Variants in COL18A1 observed in about 807,000 individuals in gnomAD.
The protein encoded by COL18A1 is collagen alpha-1(XVIII) chain.
In COL18A1, 133 loss-of-function variants were observed where a neutral mutation model predicts 168.0. The observed-to-expected ratio is 0.79, with a 90% confidence interval of 0.69 to 0.91. The LOEUF (loss-of-function observed/expected upper bound fraction) is 0.91. COL18A1 is among the 40% of genes least tolerant of loss of function. The pLI, the probability that COL18A1 is intolerant of heterozygous loss-of-function variation, is 0.00. For missense variants in COL18A1, 2,126 were observed against 1,925.4 expected (o/e 1.10, Z -1.95); for synonymous variants, 949 against 809.0 (o/e 1.17, Z -2.94).
At chr21:45,476,805 G>A (rs547395206) in intron 6 of COL18A1, among the ~76,000 whole-genome samples, 30 of 151,642 alleles carry the variant, frequency 2.0e-4, no homozygotes, top group African/African-American at 4.1e-4. Context: ...TGCGTGTAGT[G>A]TACGTGTGTG....
chr21:45,506,361 G>T (rs941205016), intron 37 of COL18A1: 1 of 353,134 alleles, frequency 2.8e-6, no homozygotes, highest in Non-Finnish European at 5.6e-6. Context: ...TGGGGGGCAG[G>T]CTGTCCCGTG....
chr21:45,503,848 A>G, intron 32 of COL18A1, 163 bp from the exon 33 acceptor site: 1 of 532,032 alleles, frequency 1.9e-6, no homozygotes, highest in Non-Finnish European at 3.4e-6. Flanking sequence ...CAAAAACATC[A>G]GAAAGTATCG....
At chr21:45,418,052 C>T (rs2033497553) in intron 2 of COL18A1, among the ~76,000 whole-genome samples, 1 of 152,196 alleles carries the variant, frequency 6.6e-6, no homozygotes, top group Non-Finnish European at 1.5e-5. Flanking sequence ...ACGTGTGCCG[C>T]CCCCGGAGCG....
At chr21:45,437,113 TCACACA>T (rs1193854116) in intron 2 of COL18A1, among the ~76,000 whole-genome samples, 3 of 53,070 alleles carry the variant, frequency 5.7e-5, no homozygotes, top group Non-Finnish European at 1.1e-4. Flanking sequence ...GCACACACAC[TCACACA>T]CAGACACACA....
intron 2 of COL18A1, among the ~76,000 whole-genome samples, chr21:45,417,586 A>G (rs920847464): frequency 7.2e-5 from 11 of 152,098 alleles, no homozygotes; most frequent in Non-Finnish European, 1.2e-4. Context: ...TCTCTCTGGC[A>G]TTCTGTGTGC....
intron 1 of COL18A1, 66 bp from the exon 2 acceptor site, chr21:45,405,313 G>GTC (rs1400095331): frequency 8.7e-6 from 8 of 917,902 alleles, no homozygotes; most frequent in Admixed American, 4.8e-5. Flanking sequence ...GGGTCGCGGG[G>GTC]CTCGGCCGGG....
Position 45,507,544 on chromosome 21 carries a change from C to G in COL18A1, c.3217-17C>G, listed in dbSNP as rs755505645. On this transcript the variant is annotated splice_polypyrimidine_tract_variant and intron_variant, in intron 37 of 41. Transcript: ENST00000651438. ...GCCCAGCCGCAGGTCCTGGGTGACC[C>G]TGCTGCTTTCTTCCAGCTGGAGGCC... 5 of 1,611,500 alleles carry G rather than the reference C, an allele frequency of 3.1e-6. No individual in the cohort carries two copies. Among genetic ancestry groups the G allele is most frequent in the South Asian group, 2.2e-5 (2 of 90,920 alleles).
chr21:45,415,547 C>T (rs1009057781), intron 2 of COL18A1, among the ~76,000 whole-genome samples: 8 of 152,290 alleles, frequency 5.3e-5, no homozygotes, highest in Admixed American at 1.3e-4. Context: ...GCCCCCCTTC[C>T]GGAAGATGGA....
intron 2 of COL18A1, among the ~76,000 whole-genome samples, chr21:45,421,812 A>G (rs921511034): frequency 1.3e-5 from 2 of 152,038 alleles, no homozygotes; most frequent in African/African-American, 2.4e-5. Flanking sequence ...CCTGAGGCTC[A>G]GGGCCCTGTG....
chr21:45,506,871 C>T (rs2037240460), intron 37 of COL18A1: 1 of 190,748 alleles, frequency 5.2e-6, no homozygotes, highest in Non-Finnish European at 1.1e-5. Context: ...TGCAGCACCC[C>T]AGACAGTGAA....
At chr21:45,409,463 C>T (rs2123498232) in intron 2 of COL18A1, among the ~76,000 whole-genome samples, 1 of 152,232 alleles carries the variant, frequency 6.6e-6, no homozygotes, top group Admixed American at 6.5e-5. Context: ...CTCCTCTTAT[C>T]CAAGGCCTCC....
rs1020274118 is a variant in COL18A1, at chr21:45,486,992, T to C, written c.1833T>C (p.Phe611=). The change falls in exon 16 of 42, where the codon TTT becomes TTC. Residue 611 remains phenylalanine (F), a splice_region_variant and synonymous_variant. Coordinates refer to ENST00000651438, the MANE Select transcript of COL18A1 (RefSeq NM_001379500.1). The part of the protein sequence containing the change: ...GPPGPGLPAG[F]DDMEGSGGPF... ...CAGGACCAGGACTCCCCGCTGGATT[T>C]GTGAGTACCGCCTACACCTGACCCC... is the stretch of plus-strand genomic sequence containing the variant. 6.6e-7 allele frequency: 1 copy of C among 1,524,314 alleles called. No individual in the cohort carries two copies. Among genetic ancestry groups the C allele is most frequent in the Admixed American group, 2.1e-5 (1 of 47,132 alleles). 94.4% of individuals were successfully genotyped at this position (1,524,314 alleles called of 1,614,324 possible).
At chr21:45,448,288 CCA>C (rs3838133) in intron 2 of COL18A1, among the ~76,000 whole-genome samples, 19,564 of 152,202 alleles carry the variant, frequency 0.13, 1,451 homozygotes, top group East Asian at 0.21. Context: ...GTGTCCATAT[CCA>C]CACACACGCA....
Position 45,485,149 on chromosome 21 carries a change from A to ATTT in COL18A1, c.1702-1683_1702-1681dup, listed in dbSNP as rs751718038. Among the ~76,000 whole-genome samples, 198 of 55,086 alleles carry ATTT rather than the reference A, an allele frequency of 3.6e-3. 16 individuals carry two copies. Among genetic ancestry groups the ATTT allele is most frequent in the African/African-American group, 0.013 (157 of 12,514 alleles). 36.1% of individuals were successfully genotyped at this position (55,086 alleles called of 152,430 possible). On this transcript the variant is annotated intron_variant, in intron 15 of 41. Transcript: ENST00000651438. ...AGGCATCTGCCACCACACCTGGCTA[A>ATTT]TTTTTTTTTTTTTTTTTTTTTTTTT... is the stretch of plus-strand genomic sequence containing the variant.
intron 2 of COL18A1, among the ~76,000 whole-genome samples, chr21:45,442,679 G>T (rs1482904478): frequency 8.1e-6 from 1 of 123,778 alleles, no homozygotes; most frequent in Non-Finnish European, 1.6e-5. Flanking sequence ...GTCCTGGTGT[G>T]GGCGGTGGTG....
At chr21:45,480,609 G>C (rs1402378914) in intron 12 of COL18A1, 89 bp downstream of exon 12, 3 of 1,612,888 alleles carry the variant, frequency 1.9e-6, no homozygotes, top group Admixed American at 3.3e-5. Context: ...GGGGTCCTGT[G>C]GGGGGTGGGG....
chr21:45,482,205 G>A (rs2035923711), intron 14 of COL18A1, 180 bp downstream of exon 14: 1 of 626,410 alleles, frequency 1.6e-6, no homozygotes, highest in South Asian at 1.8e-5. Flanking sequence ...TGGGGCTTGG[G>A]TAGAAATTCA....
intron 12 of COL18A1, 90 bp downstream of exon 12, chr21:45,480,610 G>A: frequency 1.2e-6 from 2 of 1,613,232 alleles, no homozygotes; most frequent in Non-Finnish European, 1.7e-6. Flanking sequence ...GGGTCCTGTG[G>A]GGGGTGGGGA....
Position 45,482,816 on chromosome 21 carries a change from C to A in COL18A1, c.1696C>A (p.His566Asn), listed in dbSNP as rs2035946843. The A allele has an allele frequency of 6.2e-7, 1 of 1,614,172 alleles. No homozygotes were observed. Among genetic ancestry groups the A allele is most frequent in the Non-Finnish European group, 8.5e-7 (1 of 1,180,028 alleles). ...GSLGEAGAPGHKGSKGAPGPA... is the reference protein window; with the variant it reads ...GSLGEAGAPGNKGSKGAPGPA... ...ACAGGGTGAAGCAGGCGCCCCAGGA[C>A]ATAAGGTACAAGCAGAATCCCTGGC... The change falls in exon 15 of 42, where the codon CAT (histidine) becomes AAT (asparagine). Residue 566 changes from histidine to asparagine, a missense_variant. Physicochemically the swap from His to Asn is moderately conservative, Grantham distance 68 (BLOSUM62 1). Transcript: ENST00000651438.
Sources: gnomAD v4.1 joint callset for allele counts (sites outside exome capture counted in the v4.1 genomes callset) on GRCh38, gnomAD v4.1.1 for gene constraint, MANE v1.5 for transcripts, NCBI Gene and HGNC (gene_info 2026-07-23, HGNC 2026-07-21) for gene names.